Variants in CIROZ observed in about 807,000 individuals in gnomAD.
CIROZ encodes the protein ciliated left-right organizer ZP-N domains-containing protein.
At chr1:10,961,503 G>C in the CIROZ span, among the ~76,000 whole-genome samples, 1 of 152,182 alleles carries the variant, frequency 6.6e-6, no homozygotes, top group South Asian at 2.1e-4. Context: ...GCTGGTGCAG[G>C]GGCCCTTCCC....
chr1:10,947,762 C>A, the CIROZ span: 1 of 1,596,464 alleles, frequency 6.3e-7, no homozygotes, highest in Non-Finnish European at 8.6e-7. Context: ...CTGTCAGCTC[C>A]TGCTGGAGTG....
At chr1:10,951,745 A>AAAAAAAAAAATATATATATATAT in the CIROZ span, among the ~76,000 whole-genome samples, 2 of 119,206 alleles carry the variant, frequency 1.7e-5, no homozygotes, top group African/African-American at 7.1e-5. Flanking sequence ...AAAAAAAAAA[A>AAAAAAAAAAATATATATATATAT]ATATATATAT....
At chr1:10,977,254 C>T in the CIROZ span, among the ~76,000 whole-genome samples, 19 of 151,478 alleles carry the variant, frequency 1.3e-4, no homozygotes, top group African/African-American at 2.9e-4. Flanking sequence ...GAGGCCGAGG[C>T]GGGCAGATCA....
chr1:10,972,626 C>T, the CIROZ span, among the ~76,000 whole-genome samples: 1 of 152,194 alleles, frequency 6.6e-6, no homozygotes, highest in Non-Finnish European at 1.5e-5. Flanking sequence ...ACCTATGTGA[C>T]CTGGGGCGAG....
At chr1:10,952,417 A>G in the CIROZ span, among the ~76,000 whole-genome samples, 1 of 152,292 alleles carries the variant, frequency 6.6e-6, no homozygotes, top group East Asian at 1.9e-4. Flanking sequence ...GTATCTTCCT[A>G]TCAAGGACCT....
chr1:10,978,923 T>A, the CIROZ span, among the ~76,000 whole-genome samples: 1 of 152,224 alleles, frequency 6.6e-6, no homozygotes, highest in South Asian at 2.1e-4. Context: ...GGGTGCAGGC[T>A]GGGGTTTTAC....
At chr1:10,961,171 A>G in the CIROZ span, among the ~76,000 whole-genome samples, 39 of 152,158 alleles carry the variant, frequency 2.6e-4, no homozygotes, top group South Asian at 8.1e-3. Flanking sequence ...GTGTGAGGAC[A>G]GCAACACCGT....
chr1:10,964,170 C>G, the CIROZ span: 1 of 1,614,050 alleles, frequency 6.2e-7, no homozygotes, highest in Non-Finnish European at 8.5e-7. Flanking sequence ...CCTGGCCCAG[C>G]CTTGACCTTA....
At chr1:10,957,587 C>G in the CIROZ span, 1 of 1,612,056 alleles carries the variant, frequency 6.2e-7, no homozygotes, top group Middle Eastern at 1.8e-4. Flanking sequence ...CCCCTCACCT[C>G]CTGGCAGAGC....
chr1:10,975,035 G>A, the CIROZ span, among the ~76,000 whole-genome samples: 1 of 152,210 alleles, frequency 6.6e-6, no homozygotes, highest in Non-Finnish European at 1.5e-5. Context: ...ACTTTGGGAA[G>A]CAAAGGCAGG....
At chr1:10,972,633 C>G in the CIROZ span, among the ~76,000 whole-genome samples, 65 of 152,222 alleles carry the variant, frequency 4.3e-4, no homozygotes, top group East Asian at 9.6e-4. Context: ...TGACCTGGGG[C>G]GAGTCATTTA....
At chr1:10,980,431 A>T in the CIROZ span, among the ~76,000 whole-genome samples, 2 of 152,266 alleles carry the variant, frequency 1.3e-5, no homozygotes, top group Admixed American at 1.3e-4. Flanking sequence ...ACTGAGCCCA[A>T]TGCGGAATTC....
the CIROZ span, chr1:10,953,877 C>A: frequency 4.0e-6 from 5 of 1,241,608 alleles, no homozygotes; most frequent in Non-Finnish European, 5.4e-6. Flanking sequence ...TCTGACACCT[C>A]ACTTACCTTG....
the CIROZ span, chr1:10,948,498 G>A: frequency 1.2e-6 from 2 of 1,614,166 alleles, no homozygotes; most frequent in Non-Finnish European, 1.7e-6. Context: ...AGGCCTCACA[G>A]TTCCTAGACC....
At chr1:10,957,049 T>C in the CIROZ span, 7 of 1,550,894 alleles carry the variant, frequency 4.5e-6, no homozygotes, top group African/African-American at 5.5e-5. Context: ...TTCTAAAGAA[T>C]AGGCATGGTG....
the CIROZ span, among the ~76,000 whole-genome samples, chr1:10,969,070 C>A: frequency 6.6e-6 from 1 of 152,146 alleles, no homozygotes; most frequent in Non-Finnish European, 1.5e-5. Context: ...GGGTGGTTGG[C>A]CCTCCCAGGG....
chr1:10,965,344 G>A, the CIROZ span, among the ~76,000 whole-genome samples: 21 of 152,270 alleles, frequency 1.4e-4, no homozygotes, highest in East Asian at 3.7e-3. Flanking sequence ...AAGGGGAAGT[G>A]GAGGTGAGGA....
the CIROZ span, among the ~76,000 whole-genome samples, chr1:10,962,463 A>G: frequency 1.3e-5 from 2 of 152,200 alleles, no homozygotes; most frequent in African/African-American, 2.4e-5. Context: ...ATAAATAAAT[A>G]AAGTGAACTT....
the CIROZ span, among the ~76,000 whole-genome samples, chr1:10,954,787 CTCACTATGTT>C: frequency 6.6e-6 from 1 of 152,162 alleles, no homozygotes; most frequent in Admixed American, 6.5e-5. Flanking sequence ...GCAATGAGGT[CTCACTATGTT>C]TCCCAGGCTG....
Sources: allele counts gnomAD v4.1 joint callset (sites outside exome capture counted in the v4.1 genomes callset), GRCh38; gene constraint gnomAD v4.1.1; transcripts MANE v1.5; gene names NCBI Gene and HGNC (gene_info 2026-07-23, HGNC 2026-07-21).